Variants in CSRNP3 observed in about 807,000 individuals in gnomAD.
The protein encoded by CSRNP3 is cysteine/serine-rich nuclear protein 3.
In CSRNP3, 12 loss-of-function variants were observed where a neutral mutation model predicts 48.0. That is an observed-to-expected ratio of 0.25 (90% CI 0.16 to 0.41). The LOEUF (loss-of-function observed/expected upper bound fraction) is 0.41, where lower values mean the gene tolerates loss of function less well. CSRNP3 is among the 10% of genes least tolerant of loss of function. CSRNP3 has a pLI of 1.00. For synonymous variants in CSRNP3, 263 were observed against 269.7 expected, an observed-to-expected ratio of 0.98 and a Z score of 0.24; for missense variants, 580 against 724.4, an observed-to-expected ratio of 0.80 and a Z score of 2.29.
At chr2:165,493,088 GT>G (rs1684240971) in intron 1 of CSRNP3, among the ~76,000 whole-genome samples, 2 of 151,956 alleles carry the variant, frequency 1.3e-5, no homozygotes, top group African/African-American at 4.8e-5. Flanking sequence ...GAGGAAGCCA[GT>G]CAGCAGAAAG....
chr2:165,476,508 G>A (rs911582701), intron 1 of CSRNP3, among the ~76,000 whole-genome samples: 3 of 152,238 alleles, frequency 2.0e-5, no homozygotes, highest in African/African-American at 7.2e-5. Flanking sequence ...TCATTTACAT[G>A]GAGCTATACT....
chr2:165,571,081 A>T (rs1685366829), intron 3 of CSRNP3, among the ~76,000 whole-genome samples: 1 of 151,910 alleles, frequency 6.6e-6, no homozygotes, highest in Non-Finnish European at 1.5e-5. Flanking sequence ...GCCCCAAAAG[A>T]ATTTCTTACT....
chr2:165,526,977 G>A (rs1421099371), intron 3 of CSRNP3, among the ~76,000 whole-genome samples: 1 of 152,104 alleles, frequency 6.6e-6, no homozygotes, highest in African/African-American at 2.4e-5. Context: ...AAAGAGGTTT[G>A]TTGAGATAAT....
At chr2:165,488,836 A>T (rs1407607748) in intron 1 of CSRNP3, among the ~76,000 whole-genome samples, 1 of 88,808 alleles carries the variant, frequency 1.1e-5, no homozygotes, top group African/African-American at 4.6e-5. Flanking sequence ...TGCCCACAAG[A>T]GAAAGCAGGA....
chr2:165,626,722 G>A (rs1478532934), intron 4 of CSRNP3, among the ~76,000 whole-genome samples: 2 of 152,186 alleles, frequency 1.3e-5, no homozygotes, highest in African/African-American at 4.8e-5. Context: ...GTGGCCAAAT[G>A]ACTTCACCCC....
intron 4 of CSRNP3, among the ~76,000 whole-genome samples, chr2:165,596,671 T>A (rs1685816263): frequency 6.6e-6 from 1 of 152,200 alleles, no homozygotes; most frequent in African/African-American, 2.4e-5. Flanking sequence ...CATGATGGTA[T>A]GAAATGAGCT....
At chr2:165,493,113 A>G (rs1375664861) in intron 1 of CSRNP3, among the ~76,000 whole-genome samples, 1 of 151,918 alleles carries the variant, frequency 6.6e-6, no homozygotes, top group Non-Finnish European at 1.5e-5. Context: ...TGGAATAAAT[A>G]TGCCCCAAGG....
chr2:165,588,792 A>G (rs1044094284), intron 3 of CSRNP3, among the ~76,000 whole-genome samples: 3 of 151,892 alleles, frequency 2.0e-5, no homozygotes, highest in Non-Finnish European at 4.4e-5. Flanking sequence ...CTATCTCTAC[A>G]AAAAATTTTT....
chr2:165,605,077 G>T (rs911671144), intron 4 of CSRNP3, among the ~76,000 whole-genome samples: 1 of 152,032 alleles, frequency 6.6e-6, no homozygotes, highest in Non-Finnish European at 1.5e-5. Context: ...CCTTCCAGAC[G>T]CCCTCTCTGC....
chr2:165,540,446 T>G (rs1300685168), intron 3 of CSRNP3, among the ~76,000 whole-genome samples: 1 of 152,078 alleles, frequency 6.6e-6, no homozygotes, highest in Non-Finnish European at 1.5e-5. Flanking sequence ...ACCTTTAAAA[T>G]TATCTTAATT....
chr2:165,581,943 G>C (rs112227728), intron 3 of CSRNP3, among the ~76,000 whole-genome samples: 1,862 of 152,212 alleles, frequency 0.012, 42 homozygotes, highest in African/African-American at 0.042. Context: ...CCAAATTTAT[G>C]TCTATTCATT....
intron 3 of CSRNP3, among the ~76,000 whole-genome samples, chr2:165,545,262 C>T (rs1685009802): frequency 6.6e-6 from 1 of 151,948 alleles, no homozygotes; most frequent in African/African-American, 2.4e-5. Flanking sequence ...AGTTTTGCTG[C>T]AAAGGAGAGC....
intron 4 of CSRNP3, among the ~76,000 whole-genome samples, chr2:165,619,477 A>AT (rs1201032029): frequency 4.6e-5 from 7 of 152,198 alleles, no homozygotes; most frequent in East Asian, 1.9e-4. Context: ...CCACCTATGA[A>AT]TTTTTTCATG....
At position 165,638,487 on chromosome 2, in the gene CSRNP3, T is replaced by G. The variant is rs370431089; in HGVS notation, c.149-19274T>G. Among the ~76,000 whole-genome samples the G allele has an allele frequency of 7.2e-5, 11 of 152,204 alleles. No individual in the cohort carries two copies. The East Asian group carries it at 1.9e-3, about 27-fold the overall frequency. Reference sequence around the variant, plus strand: ...AAAAAAAAAAAAATCATTTTCTAAATTTCTGATTATATCCTTACTACTGAT... The same window carrying G: ...AAAAAAAAAAAAATCATTTTCTAAAGTTCTGATTATATCCTTACTACTGAT... On this transcript the variant is annotated intron_variant, in intron 4 of 6. Transcript: ENST00000651982.
intron 4 of CSRNP3, among the ~76,000 whole-genome samples, chr2:165,618,843 G>T (rs1011287639): frequency 6.6e-6 from 1 of 152,198 alleles, no homozygotes; most frequent in Non-Finnish European, 1.5e-5. Context: ...AGAGGTTGGA[G>T]AAAGTAGTCT....
intron 3 of CSRNP3, among the ~76,000 whole-genome samples, chr2:165,551,630 A>G (rs1558932202): frequency 6.6e-6 from 1 of 152,212 alleles, no homozygotes; most frequent in Non-Finnish European, 1.5e-5. Context: ...TGGGAGAACA[A>G]AGTTGTATTC....
rs575130509 is a variant in CSRNP3, at chr2:165,593,093, G to A, written c.-23-1950G>A. The stretch of plus-strand genomic sequence containing the variant: ...TGGGATTACAGGCGTGAGCCACCGC[G>A]CCCGGCCTAAACCTCTTTTCTTTAT... On this transcript the variant is annotated intron_variant, in intron 3 of 6. Coordinates refer to ENST00000651982, the MANE Select transcript of CSRNP3 (RefSeq NM_001172173.2). Among the ~76,000 whole-genome samples, 59 of 152,212 alleles carry A rather than the reference G, an allele frequency of 3.9e-4. 1 individual carries two copies. Among genetic ancestry groups the A allele is most frequent in the African/African-American group, 1.1e-3 (46 of 41,542 alleles).
intron 1 of CSRNP3, among the ~76,000 whole-genome samples, chr2:165,471,030 G>C (rs796458540): frequency 1.5e-5 from 2 of 134,106 alleles, no homozygotes; most frequent in African/African-American, 5.2e-5. Context: ...TTGTTTGAGA[G>C]ATTTTGTCTT....
intron 3 of CSRNP3, among the ~76,000 whole-genome samples, chr2:165,566,123 C>T (rs1051482967): frequency 7.2e-5 from 11 of 151,872 alleles, no homozygotes; most frequent in African/African-American, 2.7e-4. Flanking sequence ...CGTAATCAAA[C>T]CAGTCAAATA....
Sources: gnomAD v4.1 joint callset for allele counts (sites outside exome capture counted in the v4.1 genomes callset) on GRCh38, gnomAD v4.1.1 for gene constraint, MANE v1.5 for transcripts, NCBI Gene and HGNC (gene_info 2026-07-23, HGNC 2026-07-21) for gene names.